Variants in ADGRL3 observed in about 807,000 individuals in gnomAD.
The protein encoded by ADGRL3 is adhesion G protein-coupled receptor L3, also known as calcium-independent alpha-latrotoxin receptor 3.
In ADGRL3, 62 loss-of-function variants were observed where a neutral mutation model predicts 153.5. That is an observed-to-expected ratio of 0.40 (90% confidence interval 0.33 to 0.50). The LOEUF is 0.50. Among genes scored for constraint, ADGRL3 ranks in the 20% least tolerant of loss-of-function variants. The probability of loss-of-function intolerance (pLI) is 0.47; values close to 1 mark genes in which losing one functional copy is unlikely to be tolerated. For missense variants in ADGRL3, 1,641 were observed against 1,859.4 expected, an observed-to-expected ratio of 0.88 and a Z score of 2.16; for synonymous variants, 710 against 672.5, an observed-to-expected ratio of 1.06 and a Z score of -0.86.
At chr4:61,355,356 G>C (rs2096143775) in intron 1 of ADGRL3, among the ~76,000 whole-genome samples, 1 of 151,986 alleles carries the variant, frequency 6.6e-6, no homozygotes, top group African/African-American at 2.4e-5. Context: ...CTTATTCTCA[G>C]AATATATATT....
intron 6 of ADGRL3, among the ~76,000 whole-genome samples, chr4:61,684,238 T>C (rs1019241774): frequency 1.3e-4 from 20 of 152,118 alleles, no homozygotes; most frequent in African/African-American, 4.8e-4. Context: ...AATGTTTGTT[T>C]GAAAATCTGT....
intron 2 of ADGRL3, among the ~76,000 whole-genome samples, chr4:61,448,088 A>C (rs763539253): frequency 2.0e-5 from 3 of 152,156 alleles, no homozygotes; most frequent in Non-Finnish European, 4.4e-5. Context: ...AGGCAAGAAC[A>C]ATCTTGTCTT....
chr4:61,593,390 G>GT (rs1186598538), intron 5 of ADGRL3, among the ~76,000 whole-genome samples: 4 of 151,442 alleles, frequency 2.6e-5, no homozygotes, highest in African/African-American at 4.8e-5. Context: ...TTCTTGTTTT[G>GT]TTTTTTTCCT....
At chr4:61,840,241 G>A (rs1202437049) in intron 9 of ADGRL3, among the ~76,000 whole-genome samples, 2 of 151,824 alleles carry the variant, frequency 1.3e-5, no homozygotes, top group East Asian at 1.9e-4. Context: ...CACCATGTCC[G>A]GCTAATTTTT....
rs1198482874 is a variant in ADGRL3 at position 61,383,123 on chromosome 4, G to T, written c.-239-1G>T. 2 of 150,594 alleles carry T rather than the reference G, an allele frequency of 1.3e-5. No homozygotes were observed. Among genetic ancestry groups the T allele is most frequent in the Non-Finnish European group, 1.5e-5 (1 of 67,526 alleles). 9.3% of individuals were successfully genotyped at this position (150,594 alleles called of 1,614,324 possible). A position where few individuals can be genotyped will look rare whatever the true frequency, so the allele number is the denominator to read the frequency against. ...TTAAATATTTTTTTCTTTTTTTTCA[G>T]AAATGTTTAATTTGGTAAATTGGAG... On this transcript the variant is annotated splice_acceptor_variant, in intron 1 of 26. Transcript: ENST00000683033. LOFTEE classifies it low-confidence loss of function (5UTR_SPLICE).
intron 4 of ADGRL3, among the ~76,000 whole-genome samples, chr4:61,546,967 C>T (rs879340994): frequency 2.4e-4 from 36 of 152,150 alleles, no homozygotes; most frequent in Non-Finnish European, 3.8e-4. Context: ...GAACTAAACT[C>T]ATTTATCAGT....
intron 1 of ADGRL3, among the ~76,000 whole-genome samples, chr4:61,370,883 C>T (rs928552903): frequency 3.3e-5 from 5 of 151,784 alleles, no homozygotes; most frequent in African/African-American, 9.7e-5. Context: ...TTGTAGGTCA[C>T]TCAGGACTTG....
intron 4 of ADGRL3, among the ~76,000 whole-genome samples, chr4:61,546,959 A>G (rs2098716569): frequency 6.6e-6 from 1 of 152,186 alleles, no homozygotes; most frequent in Admixed American, 6.5e-5. Flanking sequence ...TTATTTCAGA[A>G]CTAAACTCAT....
intron 6 of ADGRL3, among the ~76,000 whole-genome samples, chr4:61,685,845 A>C (rs567084499): frequency 6.6e-6 from 1 of 152,290 alleles, no homozygotes; most frequent in Admixed American, 6.5e-5. Flanking sequence ...AGAAAATATT[A>C]CATTATACTA....
intron 2 of ADGRL3, among the ~76,000 whole-genome samples, chr4:61,486,424 G>C (rs1351815818): frequency 6.6e-6 from 1 of 152,104 alleles, no homozygotes; most frequent in Admixed American, 6.5e-5. Flanking sequence ...GAACTACTCA[G>C]GTGATTTTAT....
intron 14 of ADGRL3, 66 bp from the exon 15 acceptor site, chr4:61,935,857 T>C: frequency 7.0e-7 from 1 of 1,435,766 alleles, no homozygotes; most frequent in East Asian, 2.5e-5. Context: ...ACTGCAATGG[T>C]TTAGGAAATT....
chr4:61,921,268 T>G (rs2098767750), intron 13 of ADGRL3, among the ~76,000 whole-genome samples: 3 of 152,120 alleles, frequency 2.0e-5, no homozygotes, highest in Admixed American at 2.0e-4. Flanking sequence ...TATTTCTCCC[T>G]CCCACTAGAA....
chr4:62,017,441 T>G (rs959644817), intron 21 of ADGRL3, among the ~76,000 whole-genome samples: 9 of 138,376 alleles, frequency 6.5e-5, no homozygotes, highest in Admixed American at 1.4e-4. Context: ...TACTTGGGAG[T>G]TTTTTTTTTT....
intron 5 of ADGRL3, among the ~76,000 whole-genome samples, chr4:61,593,801 T>C (rs1008786798): frequency 6.6e-6 from 1 of 152,168 alleles, no homozygotes; most frequent in African/African-American, 2.4e-5. Flanking sequence ...TTGAGTTATA[T>C]CTGCCTGCTG....
At position 61,747,785 on chromosome 4, in the gene ADGRL3, T is replaced by A. The variant is rs573257341; in HGVS notation, c.1399+14231T>A. Among the ~76,000 whole-genome samples, 4 of 151,158 alleles carry A rather than the reference T, an allele frequency of 2.6e-5. No individual in the cohort carries two copies. The South Asian group carries it at 8.4e-4, about 32-fold the overall frequency. ...GGGCAAAAACTGGAAGCATTCCCTT[T>A]GAAAACTGGCACAAGACAGGGATGC... On this transcript the variant is annotated intron_variant, in intron 8 of 26. Coordinates refer to ENST00000683033, the MANE Select transcript of ADGRL3 (RefSeq NM_001387552.1).
At chr4:61,328,744 G>A (rs2095513120) in intron 1 of ADGRL3, among the ~76,000 whole-genome samples, 1 of 152,154 alleles carries the variant, frequency 6.6e-6, no homozygotes, top group African/African-American at 2.4e-5. Context: ...TAATATATTA[G>A]GGATGTTAGA....
At chr4:61,949,976 T>C (rs578116826) in intron 17 of ADGRL3, among the ~76,000 whole-genome samples, 76 of 152,292 alleles carry the variant, frequency 5.0e-4, no homozygotes, top group African/African-American at 1.6e-3. Context: ...GGAAAGAAAA[T>C]GACTACTTAA....
At chr4:61,363,246 A>T (rs1361817481) in intron 1 of ADGRL3, among the ~76,000 whole-genome samples, 1 of 152,114 alleles carries the variant, frequency 6.6e-6, no homozygotes, top group African/African-American at 2.4e-5. Context: ...GCTCCTAGAG[A>T]TGTCCTACCT....
At chr4:61,280,562 A>G (rs2093683386) in intron 1 of ADGRL3, among the ~76,000 whole-genome samples, 1 of 152,164 alleles carries the variant, frequency 6.6e-6, no homozygotes, top group South Asian at 2.1e-4. Context: ...ATAATGTTAA[A>G]TTAAAATTTC....
Sources: allele counts gnomAD v4.1 joint callset (sites outside exome capture counted in the v4.1 genomes callset), GRCh38; gene constraint gnomAD v4.1.1; transcripts MANE v1.5; gene names NCBI Gene and HGNC (gene_info 2026-07-23, HGNC 2026-07-21).